LRRC7: variants seen among roughly 807,000 people sequenced by gnomAD.
LRRC7 encodes leucine rich repeat containing 7.
In LRRC7, 23 loss-of-function variants were observed where a neutral mutation model predicts 175.7. The observed-to-expected ratio is 0.13, with a 90% CI of 0.09 to 0.19. The LOEUF (loss-of-function observed/expected upper bound fraction) is 0.19, where lower values mean the gene tolerates loss of function less well. LRRC7 is among the 10% of genes least tolerant of loss of function. The probability of loss-of-function intolerance (pLI) is 1.00; values close to 1 mark genes in which losing one functional copy is unlikely to be tolerated. For missense variants in LRRC7, 1,354 were observed against 1,904.7 expected, an observed-to-expected ratio of 0.71 and a Z score of 5.38; for synonymous variants, 685 against 680.9, an observed-to-expected ratio of 1.01 and a Z score of -0.09.
At chr1:69,691,242 T>C (rs1661816345) in intron 2 of LRRC7, among the ~76,000 whole-genome samples, 1 of 152,138 alleles carries the variant, frequency 6.6e-6, no homozygotes, top group Admixed American at 6.5e-5. Context: ...TGAATAATTT[T>C]ATGAAGTTTA....
chr1:69,762,333 C>T (rs1005505804), intron 3 of LRRC7, among the ~76,000 whole-genome samples: 1 of 151,988 alleles, frequency 6.6e-6, no homozygotes, highest in African/African-American at 2.4e-5. Context: ...TCGATCTCTG[C>T]CCTTCCGGAT....
intron 16 of LRRC7, 114 bp downstream of exon 16, chr1:70,021,243 G>A (rs1657463475): frequency 7.1e-6 from 7 of 981,242 alleles, no homozygotes; most frequent in Middle Eastern, 2.3e-4. Context: ...GTCTCATGGC[G>A]GTACCTTTCA....
At chr1:69,636,318 G>T (rs1653351657) in intron 1 of LRRC7, among the ~76,000 whole-genome samples, 1 of 151,824 alleles carries the variant, frequency 6.6e-6, no homozygotes, top group South Asian at 2.1e-4. Context: ...GGCAAAATGA[G>T]AATTCAAAGT....
intron 24 of LRRC7, among the ~76,000 whole-genome samples, chr1:70,083,944 TC>T (rs1663413121): frequency 6.6e-6 from 1 of 152,200 alleles, no homozygotes; most frequent in Non-Finnish European, 1.5e-5. Flanking sequence ...CCAGTTTACC[TC>T]CTTTTGTCTA....
intron 24 of LRRC7, among the ~76,000 whole-genome samples, chr1:70,081,778 T>A (rs1234251237): frequency 6.6e-6 from 1 of 152,064 alleles, no homozygotes; most frequent in Non-Finnish European, 1.5e-5. Context: ...CCCTAACATA[T>A]CAAAATGGCA....
chr1:70,074,972 G>A (rs1054987020), intron 23 of LRRC7, among the ~76,000 whole-genome samples: 13 of 152,008 alleles, frequency 8.6e-5, no homozygotes, highest in Admixed American at 7.9e-4. Context: ...GATTAGTCAG[G>A]ACATTTCACA....
intron 9 of LRRC7, among the ~76,000 whole-genome samples, chr1:69,985,653 G>A (rs1653872339): frequency 1.3e-5 from 2 of 152,068 alleles, no homozygotes; most frequent in South Asian, 2.1e-4. Flanking sequence ...CATCCACCCA[G>A]CTCCTAGAAA....
chr1:69,792,697 A>G (rs1318426672), intron 4 of LRRC7, among the ~76,000 whole-genome samples: 1 of 152,078 alleles, frequency 6.6e-6, no homozygotes, highest in Non-Finnish European at 1.5e-5. Flanking sequence ...TGTTTTGGTC[A>G]CTAATGTGTC....
rs79065911 is a variant in LRRC7 at position 69,999,179 on chromosome 1, G to A, written c.1004+4546G>A. Among the ~76,000 whole-genome samples the A allele has an allele frequency of 7.5e-3, 1,138 of 152,294 alleles. 11 individuals are homozygous for A. Among genetic ancestry groups the A allele is most frequent in the African/African-American group, 0.025 (1,047 of 41,566 alleles). On this transcript the variant is annotated intron_variant, in intron 11 of 26. Transcript: ENST00000651989. ...GAATTGTAAATGTTGAGAAAACTGAGCTGTTTAAATAGTGACCTGGTATAA... is the reference window on the plus strand; with the variant it reads ...GAATTGTAAATGTTGAGAAAACTGAACTGTTTAAATAGTGACCTGGTATAA...
chr1:69,601,591 A>G (rs899934375), intron 1 of LRRC7, among the ~76,000 whole-genome samples: 3 of 152,286 alleles, frequency 2.0e-5, no homozygotes, highest in East Asian at 1.9e-4. Context: ...TTACAAAGTT[A>G]CTTAGATCGT....
chr1:69,932,900 G>A (rs902915116), intron 8 of LRRC7, among the ~76,000 whole-genome samples: 3 of 152,328 alleles, frequency 2.0e-5, no homozygotes, highest in South Asian at 2.1e-4. Flanking sequence ...CTGATGCTGC[G>A]TCCTGTTAAA....
chr1:69,770,630 G>A (rs1168964008), intron 3 of LRRC7, among the ~76,000 whole-genome samples: 4 of 152,088 alleles, frequency 2.6e-5, no homozygotes, highest in Admixed American at 6.5e-5. Context: ...TGTGTTGCTC[G>A]AGATTTAACA....
intron 2 of LRRC7, among the ~76,000 whole-genome samples, chr1:69,684,444 G>T (rs910104076): frequency 1.3e-5 from 2 of 152,074 alleles, no homozygotes; most frequent in Admixed American, 6.6e-5. Context: ...AAGAGAGTTG[G>T]AAGGAAGGTG....
intron 2 of LRRC7, among the ~76,000 whole-genome samples, chr1:69,696,107 A>G (rs1646246614): frequency 6.6e-6 from 1 of 152,208 alleles, no homozygotes; most frequent in Non-Finnish European, 1.5e-5. Flanking sequence ...TCGACAGGCT[A>G]CAGGCACTCA....
In LRRC7 at chr1:70,107,879, A is replaced by G. The variant is rs1665253496; in HGVS notation, c.4620+53A>G. The G allele has an allele frequency of 7.4e-6, 10 of 1,343,668 alleles. No homozygotes were observed. In the South Asian group the frequency reaches 1.1e-4, roughly 14 times the overall value. 83.2% of individuals were successfully genotyped at this position (1,343,668 alleles called of 1,614,324 possible). On this transcript the variant is annotated intron_variant, in intron 26 of 26. Coordinates refer to ENST00000651989, the MANE Select transcript of LRRC7 (RefSeq NM_001370785.2). ...AATGCCATACTGAGACAAATATGTA[A>G]CCATGTTACCAAGTTAAATGATTTG...
At chr1:70,043,547 G>C (rs970439093) in intron 21 of LRRC7, among the ~76,000 whole-genome samples, 5 of 152,126 alleles carry the variant, frequency 3.3e-5, no homozygotes, top group African/African-American at 1.2e-4. Flanking sequence ...CACAAGTGAT[G>C]ATCTCACAAT....
intron 1 of LRRC7, among the ~76,000 whole-genome samples, chr1:69,624,315 A>G (rs549047847): frequency 2.0e-5 from 3 of 152,248 alleles, no homozygotes; most frequent in Admixed American, 2.0e-4. Context: ...AGCCATTTGT[A>G]TATGTTCATT....
chr1:69,890,529 A>C (rs1645803232), intron 7 of LRRC7, among the ~76,000 whole-genome samples: 1 of 152,222 alleles, frequency 6.6e-6, no homozygotes, highest in Non-Finnish European at 1.5e-5. Flanking sequence ...AGATTTTCAG[A>C]ATGGTAAATG....
chr1:69,793,762 G>T (rs776505676), intron 4 of LRRC7, among the ~76,000 whole-genome samples: 1 of 151,692 alleles, frequency 6.6e-6, no homozygotes, highest in Non-Finnish European at 1.5e-5. Flanking sequence ...GTTTACTGCT[G>T]TATTTCCATT....
Sources: gnomAD v4.1 joint callset for allele counts (sites outside exome capture counted in the v4.1 genomes callset) on GRCh38, gnomAD v4.1.1 for gene constraint, MANE v1.5 for transcripts, NCBI Gene and HGNC (gene_info 2026-07-23, HGNC 2026-07-21) for gene names.